The following C16orf92 variants were observed in gnomAD, a reference collection of about 807,000 sequenced individuals.
C16orf92 encodes fertilization-influencing membrane protein 1.
In C16orf92, 14 loss-of-function variants were observed where a neutral mutation model predicts 13.7. That is an observed-to-expected ratio of 1.02 (90% CI 0.67 to 1.60). The LOEUF is 1.60. Among genes scored for constraint, C16orf92 ranks in the 40% most tolerant of loss-of-function variants. The probability of loss-of-function intolerance (pLI) is 0.00; values close to 1 mark genes in which losing one functional copy is unlikely to be tolerated. For synonymous variants in C16orf92, 50 were observed against 57.4 expected (o/e 0.87, Z 0.58); for missense variants, 116 against 139.0 (o/e 0.83, Z 0.83).
chr16:30,023,371 G>A lies in C16orf92; in HGVS notation c.31G>A (p.Val11Met). The A allele has an allele frequency of 6.2e-7, 1 of 1,610,528 alleles. No individual in the cohort carries two copies. The highest frequency in any genetic ancestry group is 8.5e-7 in the Non-Finnish European group (1 of 1,178,792). MRLWPWVLVWVWLAALGAIET... is the reference protein window; with the variant it reads MRLWPWVLVWMWLAALGAIET... ...GCTGTGGCCATGGGTGCTGGTGTGG[G>A]TGTGGCTGGCTGCACTAGGGGCCAT... Residue 11 changes from valine (V) to methionine (M), a missense_variant, in exon 1 of 4, where the codon GTG (valine) becomes ATG (methionine). By Grantham distance (21) the Val-to-Met change is conservative. Transcript: ENST00000681219.
rs2070939591 is a variant in C16orf92 at position 30,023,198 on chromosome 16, CTCTCT to C, written c.-138_-134del. 12 of 671,470 alleles carry C rather than the reference CTCTCT, an allele frequency of 1.8e-5. No homozygotes were observed. Among genetic ancestry groups the C allele is most frequent in the South Asian group, 3.6e-5 (2 of 55,586 alleles). The allele number at this position is 671,470 out of a possible 1,614,324, so 41.6% of individuals were successfully genotyped here. Reference sequence around the variant, plus strand: ...CCAGGGGGTGAAGACTGGTCCCAACCTCTCTTCTCCTCTCCTCTTCTGATGAGAGT... The same window carrying C: ...CCAGGGGGTGAAGACTGGTCCCAACCTCTCCTCTCCTCTTCTGATGAGAGT... On this transcript the variant is annotated 5_prime_UTR_variant, in exon 1 of 4. Coordinates refer to ENST00000681219, the MANE Select transcript of C16orf92 (RefSeq NM_001109659.2).
Position 30,024,260 on chromosome 16 carries a change from G to A in C16orf92, c.*33G>A. On this transcript the variant is annotated 3_prime_UTR_variant, in exon 4 of 4. Transcript: ENST00000681219. ...GACAAGGGCTCTGGACTCAACCTGA[G>A]CACCCACACCCACCTCCTCTCCTGT... The A allele has an allele frequency of 3.1e-6, 5 of 1,609,848 alleles. No homozygotes were observed. The highest frequency in any genetic ancestry group is 3.4e-6 in the Non-Finnish European group (4 of 1,176,360).
In C16orf92 at chr16:30,024,093, C is replaced by T; in HGVS notation, c.311+7C>T. The T allele has an allele frequency of 6.2e-7, 1 of 1,611,910 alleles. No homozygotes were observed. The highest frequency in any genetic ancestry group is 8.5e-7 in the Non-Finnish European group (1 of 1,178,004). On this transcript the variant is annotated splice_region_variant and intron_variant, in intron 3 of 3. Transcript: ENST00000681219. The stretch of plus-strand genomic sequence containing the variant: ...TCCAGTTCTGCACCCACATGTAAGG[C>T]CTGCCCCCTTTCTCCAACCCCACCC...
rs753649613 is a variant in C16orf92, at chr16:30,023,842, G to A, written c.180G>A (p.Val60=). 4.3e-6 allele frequency: 7 copies of A among 1,614,012 alleles called. No homozygotes were observed. Among genetic ancestry groups the A allele is most frequent in the South Asian group, 2.2e-5 (2 of 91,086 alleles). ...PDSDQARLLA[V]AQFIGEKPIV... ...CAGACCAAGCCAGGCTGCTGGCTGT[G>A]GCCCAGTTTATTGGAGAGAAACCCA... The change falls in exon 2 of 4, where the codon GTG becomes GTA. Residue 60 remains valine (V), a synonymous_variant. Coordinates refer to ENST00000681219, the MANE Select transcript of C16orf92 (RefSeq NM_001109659.2).
downstream of C16orf92, chr16:30,027,722 C>A (rs2071210434): frequency 4.4e-6 from 2 of 451,310 alleles, no homozygotes; most frequent in Non-Finnish European, 4.5e-6. Flanking sequence ...CAGCATTTTT[C>A]TTCTGGAGTC....
chr16:30,026,404 C>T (rs987851707), downstream of C16orf92, among the ~76,000 whole-genome samples: 14 of 152,162 alleles, frequency 9.2e-5, no homozygotes, highest in Admixed American at 2.6e-4. Flanking sequence ...GGGCATCGTC[C>T]AGCCCAGGGC....
Position 30,024,275 on chromosome 16 carries a change from T to G in C16orf92, c.*48T>G. ...CTCAACCTGAGCACCCACACCCACC[T>G]CCTCTCCTGTTGATGAGCAAAAGTT... is the stretch of plus-strand genomic sequence containing the variant. On this transcript the variant is annotated 3_prime_UTR_variant, in exon 4 of 4. Coordinates refer to ENST00000681219, the MANE Select transcript of C16orf92 (RefSeq NM_001109659.2). 4 of 1,596,128 alleles carry G rather than the reference T, an allele frequency of 2.5e-6. No homozygotes were observed. The highest frequency in any genetic ancestry group is 3.4e-6 in the Non-Finnish European group (4 of 1,165,556).
rs1019592159 is a variant in C16orf92 at position 30,023,356 on chromosome 16, T to C, written c.16T>C (p.Trp6Arg). MRLWP[W>R]VLVWVWLAAL... Reference sequence around the variant, plus strand: ...GATAGGAGTCATGAGGCTGTGGCCATGGGTGCTGGTGTGGGTGTGGCTGGC... The same window carrying C: ...GATAGGAGTCATGAGGCTGTGGCCACGGGTGCTGGTGTGGGTGTGGCTGGC... The change falls in exon 1 of 4, where the codon TGG becomes CGG. Residue 6 changes from tryptophan (W) to arginine (R), a missense_variant. Physicochemically the swap from Trp to Arg is moderately radical, Grantham distance 101. Transcript: ENST00000681219. 3 of 1,608,150 alleles carry C rather than the reference T, an allele frequency of 1.9e-6. No individual in the cohort carries two copies. In the African/African-American group the frequency reaches 4.0e-5, roughly 21 times the overall value.
rs779749234 is a variant in C16orf92, at chr16:30,023,870, G to A, written c.208G>A (p.Val70Met). The change falls in exon 2 of 4, where the codon GTG becomes ATG. Residue 70 changes from valine (V) to methionine (M), a missense_variant. Transcript: ENST00000681219. ...VAQFIGEKPIVFINSGSSPGL... is the reference protein window; with the variant it reads ...VAQFIGEKPIMFINSGSSPGL... Reference sequence around the variant, plus strand: ...CCAGTTTATTGGAGAGAAACCCATCGTGTTCATTAACTCAGGTATGAACCA... The same window carrying A: ...CCAGTTTATTGGAGAGAAACCCATCATGTTCATTAACTCAGGTATGAACCA... The A allele has an allele frequency of 1.4e-5, 22 of 1,613,116 alleles. No homozygotes were observed. Among genetic ancestry groups the A allele is most frequent in the Admixed American group, 3.3e-5 (2 of 59,994 alleles).
Position 30,023,706 on chromosome 16 carries a change from CAG to C in C16orf92, c.65-18_65-17del, listed in dbSNP as rs1021062038. On this transcript the variant is annotated intron_variant, in intron 1 of 3. Transcript: ENST00000681219. ...GCAGGGGTCAGCTTGGCTGTTGTCA[CAG>C]AGTTTGCTTGGGTCCTAGCACCCAG... 5 of 1,613,994 alleles carry C rather than the reference CAG, an allele frequency of 3.1e-6. No homozygotes were observed. The South Asian group carries it at 4.4e-5, about 14-fold the overall frequency.
At chr16:30,025,452 T>C, downstream of C16orf92, 2 of 1,612,468 alleles carry the variant, frequency 1.2e-6, no homozygotes, top group Non-Finnish European at 1.7e-6. This position sits in a 1 kb window ranked among gnomAD's most constrained non-coding sequence, Gnocchi z 4.1. Context: ...TGCAGCAGTG[T>C]GTGCTGCTGC....
Sources: gnomAD v4.1 joint callset for allele counts (sites outside exome capture counted in the v4.1 genomes callset) on GRCh38, gnomAD v4.1.1 for gene constraint, Gnocchi (gnomAD v3.1) non-coding constraint, MANE v1.5 for transcripts, NCBI Gene and HGNC (gene_info 2026-07-23, HGNC 2026-07-21) for gene names.